Variants in CCDC88B observed in about 807,000 individuals in gnomAD.
CCDC88B encodes the protein coiled-coil domain-containing protein 88B.
A neutral mutation model predicts 183.7 loss-of-function variants in CCDC88B; 138 were observed. The observed-to-expected ratio is 0.75, with a 90% CI of 0.65 to 0.87. CCDC88B has a LOEUF of 0.87. Among genes scored for constraint, CCDC88B ranks in the 40% least tolerant of loss-of-function variants. The pLI is 0.00. For synonymous variants in CCDC88B, 835 were observed against 867.5 expected (o/e 0.96, Z 0.66); for missense variants, 1,822 against 1,965.6 (o/e 0.93, Z 1.38).
Position 64,341,712 on chromosome 11 carries a change from G to T in CCDC88B, c.645G>T (p.Lys215Asn). The change falls in exon 7 of 27, where the codon AAG becomes AAT. Residue 215 changes from lysine to asparagine, a missense_variant. Transcript: ENST00000356786. ...GGAGCCTGATGGGGACACTGTCGAAGCTGGCACGGGAGCGTGACCTGGGGG... is the reference window on the plus strand; with the variant it reads ...GGAGCCTGATGGGGACACTGTCGAATCTGGCACGGGAGCGTGACCTGGGGG... ...LSRSLMGTLS[K>N]LARERDLGAQ... 1 of 1,589,716 alleles carries T rather than the reference G, an allele frequency of 6.3e-7. No individual in the cohort carries two copies. Among genetic ancestry groups the T allele is most frequent in the Non-Finnish European group, 8.5e-7 (1 of 1,170,698 alleles).
Position 64,342,368 on chromosome 11 carries a change from G to T in CCDC88B, c.896G>T (p.Arg299Leu). ...QGLEAEIRRL[R>L]QEAQALSGQA... ...TTGGAGGCCGAAATAAGAAGGCTCC[G>T]CCAGGAGGTGCGCTCACATGCTCCC... Residue 299 changes from arginine to leucine, a missense_variant, in exon 9 of 27, where the codon CGC (arginine) becomes CTC (leucine). Physicochemically the swap from Arg to Leu is moderately radical, Grantham distance 102. Coordinates refer to ENST00000356786, the MANE Select transcript of CCDC88B (RefSeq NM_032251.6). The T allele has an allele frequency of 1.3e-6, 2 of 1,581,162 alleles. No individual in the cohort carries two copies. The highest frequency in any genetic ancestry group is 1.7e-6 in the Non-Finnish European group (2 of 1,164,288).
Position 64,349,303 on chromosome 11 carries a change from G to A in CCDC88B, c.2617-28G>A, listed in dbSNP as rs201137636. 4.7e-5 allele frequency: 74 copies of A among 1,562,548 alleles called. No homozygotes were observed. The African/African-American group carries it at 8.1e-4, about 17-fold the overall frequency. ...GTCTCCGGCTGTCTCCTGCCCCCTT[G>A]CCCTGAGCCTGCTCTGCTTGCCCTC... On this transcript the variant is annotated intron_variant, in intron 14 of 26. Coordinates refer to ENST00000356786, the MANE Select transcript of CCDC88B (RefSeq NM_032251.6).
chr11:64,356,786 G>A (rs2036559914), intron 26 of CCDC88B: 1 of 505,446 alleles, frequency 2.0e-6, no homozygotes, highest in South Asian at 3.6e-5. Context: ...AGTAACTGGG[G>A]TGCTGGGGTG....
chr11:64,342,873 GA>G (rs1238708894), intron 10 of CCDC88B, 193 bp downstream of exon 10: 103 of 526,178 alleles, frequency 2.0e-4, no homozygotes, highest in South Asian at 9.4e-4. Flanking sequence ...AGGTGTAGGG[GA>G]GTGGGGGGGC....
At position 64,351,590 on chromosome 11, in the gene CCDC88B, G is replaced by A. The variant is rs377511345; in HGVS notation, c.3073G>A (p.Ala1025Thr). 78 of 1,564,622 alleles carry A rather than the reference G, an allele frequency of 5.0e-5. No individual in the cohort carries two copies. The African/African-American group carries it at 9.9e-4, about 20-fold the overall frequency. ...GGAGCTGCTGCTGCAGAGCCAGCGG[G>A]CGCAGGAGCACAGCAGCCGCCTGCA... is the stretch of plus-strand genomic sequence containing the variant. ...AQELLLQSQR[A>T]QEHSSRLQAE... The change falls in exon 18 of 27, where the codon GCG (alanine) becomes ACG (threonine). Residue 1025 changes from alanine (A) to threonine (T), a missense_variant. Coordinates refer to ENST00000356786, the MANE Select transcript of CCDC88B (RefSeq NM_032251.6).
intron 9 of CCDC88B, 48 bp from the exon 10 acceptor site, chr11:64,342,474 C>T (rs1285270622): frequency 6.5e-7 from 1 of 1,534,078 alleles, no homozygotes; most frequent in Non-Finnish European, 8.8e-7. Context: ...GTCCCTAATC[C>T]CTCTGGCCCG....
Position 64,342,008 on chromosome 11 carries a change from G to A in CCDC88B, c.690G>A (p.Leu230=). Residue 230 remains leucine, a synonymous_variant, in exon 8 of 27, where the codon CTG becomes CTA. Transcript: ENST00000356786. ...RDLGAQRLAE[L]LLEREPLCLR... ...CTGACCTACAGCGGCTGGCTGAACT[G>A]CTGCTGGAGCGAGAACCCCTCTGCT... is the stretch of plus-strand genomic sequence containing the variant. 1.2e-6 allele frequency: 2 copies of A among 1,612,510 alleles called. No homozygotes were observed. The highest frequency in any genetic ancestry group is 2.7e-5 in the African/African-American group (2 of 74,896).
intron 1 of CCDC88B, 34 bp from the exon 2 acceptor site, chr11:64,340,573 T>C (rs1240377222): frequency 6.3e-7 from 1 of 1,593,968 alleles, no homozygotes; most frequent in Non-Finnish European, 8.5e-7. Flanking sequence ...GGGTTCACTC[T>C]GCTGGTCGGC....
chr11:64,342,753 C>T, intron 10 of CCDC88B, 73 bp downstream of exon 10: 1 of 1,414,738 alleles, frequency 7.1e-7, no homozygotes, highest in South Asian at 1.5e-5. Flanking sequence ...GAGATTGGGT[C>T]CCGAGGGCAG....
chr11:64,347,495 A>AC (rs1280905489), intron 14 of CCDC88B, among the ~76,000 whole-genome samples: 1 of 152,060 alleles, frequency 6.6e-6, no homozygotes, highest in African/African-American at 2.4e-5. Context: ...TTGCTCAGAG[A>AC]CCCATTATGA....
chr11:64,351,360 G>T, intron 17 of CCDC88B, 105 bp downstream of exon 17: 1 of 1,502,700 alleles, frequency 6.7e-7, no homozygotes, highest in Non-Finnish European at 9.0e-7. Flanking sequence ...GTGTGAGTGT[G>T]GACTCACAGT....
In CCDC88B at chr11:64,344,914, C is replaced by T; in HGVS notation, c.2373C>T (p.Ala791=). 1 of 1,576,108 alleles carries T rather than the reference C, an allele frequency of 6.3e-7. No homozygotes were observed. Among genetic ancestry groups the T allele is most frequent in the East Asian group, 2.3e-5 (1 of 42,920 alleles). Residue 791 remains alanine, a synonymous_variant, in exon 14 of 27, where the codon GCC becomes GCT. Coordinates refer to ENST00000356786, the MANE Select transcript of CCDC88B (RefSeq NM_032251.6). This position sits in a 1 kb window ranked among gnomAD's most constrained non-coding sequence, Gnocchi z 4.5. ...CAGAGGCCCAGGCCTGGGAGCAAGC[C>T]CGGCTGCGGGAGGCAGTGGAGGCTG... ...REAEAQAWEQ[A]RLREAVEAAG... is the part of the protein sequence containing the mutation.
At chr11:64,345,310 G>A (rs2036066102) in intron 14 of CCDC88B, among the ~76,000 whole-genome samples, 153 bp downstream of exon 14, 1 of 152,150 alleles carries the variant, frequency 6.6e-6, no homozygotes, top group Non-Finnish European at 1.5e-5. Flanking sequence ...TTCCAAAGGT[G>A]TGCCTGGCCT....
chr11:64,344,804 C>T lies in CCDC88B; in HGVS notation c.2263C>T (p.Leu755=), dbSNP rs1396017579. ...TGAGCTGGAAGCCCAGGCCCGCAAG[C>T]TGGAGGCCCAAAACACGGAGGCTGC... The part of the protein sequence containing the change: ...GDELEAQARK[L]EAQNTEAARL... Residue 755 remains leucine (L), a synonymous_variant, in exon 14 of 27, where the codon CTG becomes TTG. Transcript: ENST00000356786. This position sits in a 1 kb window ranked among gnomAD's most constrained non-coding sequence, Gnocchi z 4.5. 1 of 1,612,836 alleles carries T rather than the reference C, an allele frequency of 6.2e-7. No individual in the cohort carries two copies. Among genetic ancestry groups the T allele is most frequent in the East Asian group, 2.2e-5 (1 of 44,868 alleles).
intron 14 of CCDC88B, 65 bp downstream of exon 14, chr11:64,345,222 G>A: frequency 6.7e-7 from 1 of 1,493,966 alleles, no homozygotes; most frequent in East Asian, 2.5e-5. Context: ...GGGAGTTACT[G>A]ATTCCATCAG....
rs559711154 is a variant in CCDC88B, at chr11:64,349,380, A to G, written c.2666A>G (p.Glu889Gly). The G allele has an allele frequency of 5.0e-6, 8 of 1,612,916 alleles. No individual in the cohort carries two copies. The highest frequency in any genetic ancestry group is 1.7e-5 in the Admixed American group (1 of 59,938). Reference sequence around the variant, plus strand: ...GGCAAGGAGTTGGGGGACCGGCTGGAGCATTTGCAGCGTGAGCTGGAGCAG... The same window carrying G: ...GGCAAGGAGTTGGGGGACCGGCTGGGGCATTTGCAGCGTGAGCTGGAGCAG... Reference protein sequence around the residue: ...VRGKELGDRLEHLQRELEQAA... With the variant: ...VRGKELGDRLGHLQRELEQAA... Residue 889 changes from glutamate to glycine, a missense_variant, in exon 15 of 27, where the codon GAG becomes GGG. Coordinates refer to ENST00000356786, the MANE Select transcript of CCDC88B (RefSeq NM_032251.6).
At position 64,349,326 on chromosome 11, in the gene CCDC88B, C is replaced by T. The variant is rs1377285287; in HGVS notation, c.2617-5C>T. The stretch of plus-strand genomic sequence containing the variant: ...TTGCCCTGAGCCTGCTCTGCTTGCC[C>T]TCAGGAGCTGGAGAAAGCTGTGGTG... On this transcript the variant is annotated splice_region_variant and splice_polypyrimidine_tract_variant and intron_variant, in intron 14 of 26. Transcript: ENST00000356786. 6.2e-7 allele frequency: 1 copy of T among 1,600,236 alleles called. No homozygotes were observed. The highest frequency in any genetic ancestry group is 1.7e-5 in the Admixed American group (1 of 58,440).
chr11:64,343,627 C>T lies in CCDC88B; in HGVS notation c.1318+12C>T, dbSNP rs1471553301. The T allele has an allele frequency of 6.4e-7, 1 of 1,550,742 alleles. No homozygotes were observed. Among genetic ancestry groups the T allele is most frequent in the East Asian group, 2.4e-5 (1 of 40,962 alleles). ...ATCCCCTGGGGAGGGTGAGGGACCC[C>T]ACTGGAAGGGCTGGGGTGGGGGCTT... On this transcript the variant is annotated intron_variant, in intron 12 of 26. Transcript: ENST00000356786.
chr11:64,353,247 C>T lies in CCDC88B; in HGVS notation c.3687+7C>T. On this transcript the variant is annotated splice_region_variant and intron_variant, in intron 21 of 26. Coordinates refer to ENST00000356786, the MANE Select transcript of CCDC88B (RefSeq NM_032251.6). ...GCTGACCACGCAGTGTGAGGTGTGG[C>T]TGGAGGGCCGGTGGGGGTATGGGCG... 1.3e-6 allele frequency: 2 copies of T among 1,561,728 alleles called. No homozygotes were observed. The highest frequency in any genetic ancestry group is 1.7e-6 in the Non-Finnish European group (2 of 1,152,602).
Sources: allele counts gnomAD v4.1 joint callset (sites outside exome capture counted in the v4.1 genomes callset), GRCh38; gene constraint gnomAD v4.1.1; non-coding constraint Gnocchi (gnomAD v3.1); transcripts MANE v1.5; gene names NCBI Gene and HGNC (gene_info 2026-07-23, HGNC 2026-07-21).